HS6ST2: variants seen among roughly 807,000 people sequenced by gnomAD.
The protein encoded by HS6ST2 is heparan-sulfate 6-O-sulfotransferase 2.
In HS6ST2, 17 loss-of-function variants were observed where a neutral mutation model predicts 33.0. That is an observed-to-expected ratio of 0.52 (90% CI 0.35 to 0.77). The LOEUF is 0.77. Ranked by LOEUF, HS6ST2 falls within the 30% of genes least tolerant of loss-of-function variation. The probability of loss-of-function intolerance (pLI) is 0.01; values close to 1 mark genes in which losing one functional copy is unlikely to be tolerated. For synonymous variants in HS6ST2, 248 were observed against 237.1 expected (o/e 1.05, Z -0.42); for missense variants, 519 against 551.7 (o/e 0.94, Z 0.59).
At chrX:132,676,829 A>C (rs757038347) in intron 3 of HS6ST2, among the ~76,000 whole-genome samples, 45 of 112,310 alleles carry the variant, frequency 4.0e-4, no homozygotes, top group Admixed American at 1.2e-3. Flanking sequence ...GAAAGAGAAC[A>C]ATCAGCTGTA....
At chrX:132,669,790 A>G (rs1369162012) in intron 3 of HS6ST2, 1 of 112,761 alleles carries the variant, frequency 8.9e-6, no homozygotes, top group Non-Finnish European at 1.9e-5. Flanking sequence ...ATAACTCCAC[A>G]GCTTATGTCA....
At chrX:132,797,716 G>A (rs564876702) in intron 2 of HS6ST2, among the ~76,000 whole-genome samples, 2 of 110,787 alleles carry the variant, frequency 1.8e-5, no homozygotes, top group South Asian at 7.8e-4. Flanking sequence ...TGACAAGAAA[G>A]GGAGTCAAGT....
chrX:132,680,421 T>C (rs1268095954), intron 3 of HS6ST2, among the ~76,000 whole-genome samples: 8 of 111,185 alleles, frequency 7.2e-5, no homozygotes, highest in Non-Finnish European at 1.1e-4. Flanking sequence ...GTAAGATGTT[T>C]AGTTGGCAAT....
chrX:132,687,942 T>A (rs1204279297), intron 3 of HS6ST2, among the ~76,000 whole-genome samples: 1 of 110,945 alleles, frequency 9.0e-6, no homozygotes, highest in Non-Finnish European at 1.9e-5. Flanking sequence ...AGAGACGGGG[T>A]TTCATCATGT....
chrX:132,934,495 CAG>C (rs2066805030), intron 2 of HS6ST2, among the ~76,000 whole-genome samples: 1 of 111,650 alleles, frequency 9.0e-6, no homozygotes, highest in African/African-American at 3.2e-5. Flanking sequence ...GAAGAAGAAA[CAG>C]AGCTATCTAG....
At chrX:132,846,691 C>T (rs1360406359) in intron 2 of HS6ST2, among the ~76,000 whole-genome samples, 1 of 111,046 alleles carries the variant, frequency 9.0e-6, no homozygotes, top group African/African-American at 3.3e-5. Flanking sequence ...CCCCCTACCC[C>T]ATGCTCTTAT....
intron 2 of HS6ST2, among the ~76,000 whole-genome samples, chrX:132,847,771 G>A (rs1225127177): frequency 9.0e-6 from 1 of 111,437 alleles, no homozygotes; most frequent in East Asian, 2.8e-4. Context: ...CTTAATTCAG[G>A]TTAATCAACC....
At chrX:132,682,563 A>G (rs185304523) in intron 3 of HS6ST2, among the ~76,000 whole-genome samples, 64 of 111,746 alleles carry the variant, frequency 5.7e-4, no homozygotes, top group Admixed American at 5.7e-4. Context: ...AATGGCTTTA[A>G]AAAGCTGTTC....
chrX:132,646,515 C>A (rs1488265982), intron 4 of HS6ST2, among the ~76,000 whole-genome samples: 6 of 82,165 alleles, frequency 7.3e-5, no homozygotes, highest in African/African-American at 2.6e-4. Context: ...GTCTGAATAA[C>A]AGAGCAAGAC....
At chrX:132,692,852 G>A (rs576229234) in intron 3 of HS6ST2, among the ~76,000 whole-genome samples, 2 of 111,946 alleles carry the variant, frequency 1.8e-5, no homozygotes, top group East Asian at 2.8e-4. Context: ...TCTGTGGATT[G>A]CAGGCTTTTT....
intron 2 of HS6ST2, among the ~76,000 whole-genome samples, chrX:132,879,673 C>T (rs2066145451): frequency 8.9e-6 from 1 of 112,137 alleles, no homozygotes; most frequent in Admixed American, 9.5e-5. Flanking sequence ...CAGATTTTGA[C>T]TTCAGTTCAA....
At chrX:132,737,231 A>G (rs930192800) in intron 2 of HS6ST2, among the ~76,000 whole-genome samples, 6 of 111,641 alleles carry the variant, frequency 5.4e-5, no homozygotes, top group Admixed American at 2.8e-4. Context: ...ACTGAAGAAC[A>G]TAGTGAAAAA....
At chrX:132,863,015 T>A (rs1031707314) in intron 2 of HS6ST2, among the ~76,000 whole-genome samples, 8 of 112,106 alleles carry the variant, frequency 7.1e-5, no homozygotes, top group Admixed American at 6.6e-4. Context: ...AGCCCCAGAA[T>A]ACAATTTCAA....
chrX:132,705,720 G>C (rs1465323491), intron 3 of HS6ST2, among the ~76,000 whole-genome samples: 2 of 111,899 alleles, frequency 1.8e-5, no homozygotes. Context: ...ACGTCACACA[G>C]CTGGAAAGTA....
At chrX:132,824,248 G>A (rs1194054378) in intron 2 of HS6ST2, among the ~76,000 whole-genome samples, 1 of 111,889 alleles carries the variant, frequency 8.9e-6, no homozygotes, top group Admixed American at 9.5e-5. Flanking sequence ...CCTCTAAAAT[G>A]ACTACACTTC....
chrX:132,887,102 C>A (rs1397019507), intron 2 of HS6ST2, among the ~76,000 whole-genome samples: 1 of 109,863 alleles, frequency 9.1e-6, no homozygotes, highest in Non-Finnish European at 1.9e-5. Flanking sequence ...CCACTGCACT[C>A]CAGCCTTGGT....
chrX:132,723,817 C>T (rs1047517276), intron 2 of HS6ST2, among the ~76,000 whole-genome samples: 1 of 111,996 alleles, frequency 8.9e-6, no homozygotes, highest in Non-Finnish European at 1.9e-5. Context: ...AAAGTCCTAG[C>T]TAGCATAATC....
intron 2 of HS6ST2, among the ~76,000 whole-genome samples, chrX:132,940,841 C>T (rs766203210): frequency 5.4e-5 from 6 of 111,707 alleles, no homozygotes; most frequent in Non-Finnish European, 7.5e-5. Flanking sequence ...GAAAGTACTG[C>T]ATCCTGGAGT....
rs1327426605 is a variant in HS6ST2, at chrX:132,643,638, CA to C, written c.1068-14546del. Among the ~76,000 whole-genome samples, 33 of 111,459 alleles carry C rather than the reference CA, an allele frequency of 3.0e-4. 1 individual carries two copies. In the Middle Eastern group the frequency reaches 0.023, roughly 79 times the overall value. On this transcript the variant is annotated intron_variant, in intron 4 of 4. Coordinates refer to ENST00000370833, the MANE Select transcript of HS6ST2 (RefSeq NM_001394073.1). ...GCCAGTTTATGGCACAGAAGGGACC[CA>C]AAACCAAGTCTCTGACTCCTTGTTC... is the stretch of plus-strand genomic sequence containing the variant.
Sources: allele counts gnomAD v4.1 joint callset (sites outside exome capture counted in the v4.1 genomes callset), GRCh38; gene constraint gnomAD v4.1.1; transcripts MANE v1.5; gene names NCBI Gene and HGNC (gene_info 2026-07-23, HGNC 2026-07-21).